Variants in WWOX observed in about 807,000 individuals in gnomAD.
WWOX encodes WW domain containing oxidoreductase.
Under a neutral mutation model 46.2 loss-of-function variants are expected in WWOX, and 69 were observed. That is an observed-to-expected ratio of 1.49 (90% CI 1.23 to 1.82). The LOEUF is 1.82. WWOX is among the 40% of genes most tolerant of loss of function. The pLI, the probability that WWOX is intolerant of heterozygous loss-of-function variation, is 0.00. For missense variants in WWOX, 919 were observed against 542.6 expected (o/e 1.69, Z -6.89); for synonymous variants, 359 against 202.6 (o/e 1.77, Z -6.56).
chr16:78,661,190 A>G (rs959021681), intron 8 of WWOX, among the ~76,000 whole-genome samples: 4 of 152,124 alleles, frequency 2.6e-5, no homozygotes, highest in Middle Eastern at 3.2e-3. Context: ...GGTTAAACCA[A>G]TTTCCTCTCT....
At chr16:78,624,224 G>C (rs79730882) in intron 8 of WWOX, among the ~76,000 whole-genome samples, 2 of 117,426 alleles carry the variant, frequency 1.7e-5, no homozygotes, top group African/African-American at 7.0e-5. Context: ...TTTTTTTTTC[G>C]TGGAATCATG....
intron 8 of WWOX, among the ~76,000 whole-genome samples, chr16:78,700,099 T>G (rs1028688015): frequency 6.6e-6 from 1 of 151,748 alleles, no homozygotes; most frequent in African/African-American, 2.4e-5. Context: ...TAGGGTCATT[T>G]TTTTCAACCC....
chr16:78,517,285 C>T (rs1358592428), intron 8 of WWOX, among the ~76,000 whole-genome samples: 3 of 152,150 alleles, frequency 2.0e-5, no homozygotes, highest in Admixed American at 2.0e-4. Context: ...AATGCCTTTT[C>T]TTGCTAAACT....
At chr16:78,738,740 G>C (rs960885785) in intron 8 of WWOX, among the ~76,000 whole-genome samples, 4 of 152,104 alleles carry the variant, frequency 2.6e-5, no homozygotes, top group Non-Finnish European at 5.9e-5. Flanking sequence ...GTGTGAATGC[G>C]AACAGAGGCT....
chr16:78,863,549 C>G (rs530236962), intron 8 of WWOX, among the ~76,000 whole-genome samples: 11 of 152,296 alleles, frequency 7.2e-5, no homozygotes, highest in South Asian at 4.1e-4. Context: ...TCCTCGTGAT[C>G]TTTCGGCATT....
At chr16:78,927,862 A>C (rs1275727262) in intron 8 of WWOX, among the ~76,000 whole-genome samples, 2 of 152,078 alleles carry the variant, frequency 1.3e-5, no homozygotes, top group Admixed American at 6.6e-5. Flanking sequence ...TTTGTTTCTA[A>C]CTGAAGTTCA....
chr16:79,057,770 C>T (rs943735817), intron 8 of WWOX, among the ~76,000 whole-genome samples: 2 of 152,126 alleles, frequency 1.3e-5, no homozygotes, highest in African/African-American at 4.8e-5. Context: ...TTTAGAAAGA[C>T]CCGGACTCGA....
intron 5 of WWOX, among the ~76,000 whole-genome samples, chr16:78,312,008 C>A (rs2080253903): frequency 6.6e-6 from 1 of 152,170 alleles, no homozygotes; most frequent in African/African-American, 2.4e-5. Flanking sequence ...TGCCCATGTT[C>A]CTCGATCCAT....
At chr16:78,886,173 C>A (rs908400625) in intron 8 of WWOX, among the ~76,000 whole-genome samples, 2 of 151,728 alleles carry the variant, frequency 1.3e-5, no homozygotes, top group Non-Finnish European at 1.5e-5. Flanking sequence ...GATCCACCCT[C>A]CTCGGCCTCC....
intron 5 of WWOX, among the ~76,000 whole-genome samples, chr16:78,209,957 A>C (rs2036506715): frequency 6.6e-6 from 1 of 152,198 alleles, no homozygotes; most frequent in Non-Finnish European, 1.5e-5. Flanking sequence ...AGGGAATGAA[A>C]AGAAGAAAGG....
intron 8 of WWOX, among the ~76,000 whole-genome samples, chr16:78,763,464 T>A (rs749152516): frequency 6.6e-6 from 1 of 152,222 alleles, no homozygotes; most frequent in Admixed American, 6.5e-5. Flanking sequence ...CAAAAAGACA[T>A]TGGCTCTTTG....
intron 8 of WWOX, among the ~76,000 whole-genome samples, chr16:79,012,505 G>C (rs2047331292): frequency 6.6e-6 from 1 of 152,130 alleles, no homozygotes; most frequent in African/African-American, 2.4e-5. Context: ...AAAGTACTGG[G>C]ATTACAGACA....
At chr16:79,116,177 G>A (rs997517365) in intron 8 of WWOX, among the ~76,000 whole-genome samples, 2 of 152,200 alleles carry the variant, frequency 1.3e-5, no homozygotes, top group Non-Finnish European at 2.9e-5. Flanking sequence ...TTGCCTTGAT[G>A]TTGATGGCTG....
intron 7 of WWOX, among the ~76,000 whole-genome samples, chr16:78,427,973 C>A (rs1216045511): frequency 6.6e-6 from 1 of 151,580 alleles, no homozygotes; most frequent in Non-Finnish European, 1.5e-5. Flanking sequence ...GAGGCTGAGG[C>A]AGGAGAATTG....
chr16:78,490,626 T>A (rs1356067074), intron 8 of WWOX, among the ~76,000 whole-genome samples: 1 of 152,174 alleles, frequency 6.6e-6, no homozygotes, highest in Non-Finnish European at 1.5e-5. Flanking sequence ...CAAACGATCC[T>A]CTGATTGCTC....
At chr16:78,457,788 C>G (rs566493243) in intron 8 of WWOX, among the ~76,000 whole-genome samples, 1 of 151,164 alleles carries the variant, frequency 6.6e-6, no homozygotes, top group Admixed American at 6.6e-5. Flanking sequence ...TGGTGGCGGG[C>G]GCCTGTAGTC....
At chr16:79,081,507 T>C (rs898967579) in intron 8 of WWOX, among the ~76,000 whole-genome samples, 1 of 152,202 alleles carries the variant, frequency 6.6e-6, no homozygotes, top group Admixed American at 6.5e-5. Context: ...CGATGTGTTA[T>C]AACAGGACAG....
chr16:79,200,174 C>T (rs2051318754), intron 8 of WWOX, among the ~76,000 whole-genome samples: 1 of 152,138 alleles, frequency 6.6e-6, no homozygotes, highest in African/African-American at 2.4e-5. Flanking sequence ...AATCACATGA[C>T]ATCCGCCAGA....
chr16:78,924,019 G>A (rs948106201), intron 8 of WWOX, among the ~76,000 whole-genome samples: 1 of 151,822 alleles, frequency 6.6e-6, no homozygotes, highest in African/African-American at 2.4e-5. Flanking sequence ...GTTTCACCGT[G>A]TTAGCCAAGG....
Sources: gnomAD v4.1 joint callset for allele counts (sites outside exome capture counted in the v4.1 genomes callset) on GRCh38, gnomAD v4.1.1 for gene constraint, MANE v1.5 for transcripts, NCBI Gene and HGNC (gene_info 2026-07-23, HGNC 2026-07-21) for gene names.